Variants in CSMD1 observed in about 807,000 individuals in gnomAD.
CSMD1 encodes CUB and Sushi multiple domains 1.
Under a neutral mutation model 417.5 loss-of-function variants are expected in CSMD1, and 213 were observed. That is an observed-to-expected ratio of 0.51 (90% CI 0.46 to 0.57). CSMD1 has a LOEUF of 0.57. Ranked by LOEUF, CSMD1 falls within the 20% of genes least tolerant of loss-of-function variation. The probability of loss-of-function intolerance (pLI) is 0.00; values close to 1 mark genes in which losing one functional copy is unlikely to be tolerated. For synonymous variants in CSMD1, 2,862 were observed against 1,736.8 expected, an observed-to-expected ratio of 1.65 and a Z score of -16.11; for missense variants, 6,923 against 4,529.7, an observed-to-expected ratio of 1.53 and a Z score of -15.17.
intron 3 of CSMD1, among the ~76,000 whole-genome samples, chr8:4,374,147 G>A (rs77945305): frequency 3.9e-5 from 6 of 152,126 alleles, no homozygotes; most frequent in South Asian, 4.1e-4. Context: ...GGATAAGTAC[G>A]TCCTTACCCT....
chr8:3,622,167 T>C (rs2449228), intron 7 of CSMD1, among the ~76,000 whole-genome samples: 101,719 of 152,044 alleles, frequency 0.67, 34,463 homozygotes, highest in African/African-American at 0.74. Context: ...ATCTTGTAAA[T>C]GCATTTAGCT....
Position 4,906,649 on chromosome 8 carries a change from G to A in CSMD1, c.85+87683C>T, listed in dbSNP as rs183515201. Among the ~76,000 whole-genome samples the A allele has an allele frequency of 5.9e-5, 9 of 151,964 alleles. No homozygotes were observed. In the East Asian group the frequency reaches 1.2e-3, roughly 20 times the overall value. On this transcript the variant is annotated intron_variant, in intron 1 of 69. Transcript: ENST00000635120. ...TCTCAGCTGTGCAACCTCCAACTCC[G>A]GGGTTCAAGCAATTCTCCTGCCTCA...
At chr8:4,788,425 T>A in intron 1 of CSMD1, 1 of 1,339,416 alleles carries the variant, frequency 7.5e-7, no homozygotes, top group Non-Finnish European at 1.1e-6. Context: ...CCCAGGGTCT[T>A]GGCTGTTCAA....
intron 5 of CSMD1, among the ~76,000 whole-genome samples, chr8:3,904,839 G>A (rs558524283): frequency 6.1e-4 from 93 of 152,080 alleles, no homozygotes; most frequent in African/African-American, 2.1e-3. Flanking sequence ...GTTTTACCAT[G>A]TTGACCAGGC....
chr8:4,199,480 C>T (rs536963707), intron 3 of CSMD1, among the ~76,000 whole-genome samples: 19 of 152,142 alleles, frequency 1.2e-4, no homozygotes, highest in Non-Finnish European at 2.1e-4. Context: ...ATTAAAAAGG[C>T]AAATAGGAAT....
intron 1 of CSMD1, among the ~76,000 whole-genome samples, chr8:4,873,435 C>G (rs1422120192): frequency 1.3e-5 from 2 of 152,076 alleles, no homozygotes; most frequent in Admixed American, 6.6e-5. Context: ...GAATCTAACT[C>G]AGAGAATATT....
intron 23 of CSMD1, among the ~76,000 whole-genome samples, chr8:3,334,956 C>T (rs547743479): frequency 1.3e-5 from 2 of 152,324 alleles, no homozygotes; most frequent in East Asian, 3.9e-4. Context: ...AACGAGCCTT[C>T]TCCAAAACAC....
chr8:3,797,433 C>G (rs1467541209), intron 5 of CSMD1, among the ~76,000 whole-genome samples: 1 of 151,896 alleles, frequency 6.6e-6, no homozygotes, highest in East Asian at 1.9e-4. Context: ...CATTCAGTTT[C>G]CATCCCTTCC....
At chr8:3,035,753 G>C (rs1396672555) in intron 50 of CSMD1, among the ~76,000 whole-genome samples, 2 of 148,644 alleles carry the variant, frequency 1.3e-5, no homozygotes, top group Admixed American at 6.6e-5. Flanking sequence ...GTCAAGTTTT[G>C]TAAAATTAAA....
chr8:4,210,476 C>T (rs1204910222), intron 3 of CSMD1, among the ~76,000 whole-genome samples: 1 of 152,160 alleles, frequency 6.6e-6, no homozygotes, highest in African/African-American at 2.4e-5. Flanking sequence ...GAACTGCAAA[C>T]AGACAATAAT....
intron 25 of CSMD1, among the ~76,000 whole-genome samples, chr8:3,300,313 A>G (rs1283522374): frequency 6.6e-6 from 1 of 152,178 alleles, no homozygotes; most frequent in African/African-American, 2.4e-5. Flanking sequence ...CACCTTTTCA[A>G]GTGTAGTTTT....
At chr8:3,924,491 C>T (rs530032803) in intron 5 of CSMD1, among the ~76,000 whole-genome samples, 16 of 152,194 alleles carry the variant, frequency 1.1e-4, no homozygotes, top group African/African-American at 2.9e-4. Context: ...TTCTATGATA[C>T]ATATATTGAT....
At chr8:3,336,117 G>A (rs1807245556) in intron 23 of CSMD1, among the ~76,000 whole-genome samples, 1 of 151,980 alleles carries the variant, frequency 6.6e-6, no homozygotes, top group African/African-American at 2.4e-5. Context: ...TGGAACCATG[G>A]GCAGGTTTCT....
chr8:3,353,692 TAGC>T (rs895215424), intron 21 of CSMD1, among the ~76,000 whole-genome samples: 17 of 152,210 alleles, frequency 1.1e-4, no homozygotes, highest in Non-Finnish European at 1.6e-4. Flanking sequence ...AAATCACCAT[TAGC>T]AGAATTAAAT....
chr8:3,006,419 C>G (rs1456790013), intron 52 of CSMD1, among the ~76,000 whole-genome samples: 4 of 151,344 alleles, frequency 2.6e-5, no homozygotes, highest in African/African-American at 9.7e-5. Context: ...TTGGAAAAAA[C>G]TACTTTAAAG....
chr8:3,785,993 T>A (rs1799436698), intron 5 of CSMD1, among the ~76,000 whole-genome samples: 1 of 152,172 alleles, frequency 6.6e-6, no homozygotes, highest in Non-Finnish European at 1.5e-5. Flanking sequence ...ACCTGAGTAC[T>A]TAGGCTGGGC....
At chr8:3,137,528 G>C (rs1222073221) in intron 41 of CSMD1, among the ~76,000 whole-genome samples, 2 of 152,198 alleles carry the variant, frequency 1.3e-5, no homozygotes, top group African/African-American at 4.8e-5. Context: ...ATTGTTTTCA[G>C]TAAGGCATCC....
At chr8:3,253,484 G>C (rs546685139) in intron 26 of CSMD1, among the ~76,000 whole-genome samples, 3 of 152,288 alleles carry the variant, frequency 2.0e-5, no homozygotes, top group Admixed American at 1.3e-4. Context: ...GTGGTGTGGT[G>C]CTGAAAAGAA....
At chr8:3,211,358 T>C (rs1275830381) in intron 30 of CSMD1, among the ~76,000 whole-genome samples, 1 of 152,208 alleles carries the variant, frequency 6.6e-6, no homozygotes, top group African/African-American at 2.4e-5. Flanking sequence ...AATTCCATCT[T>C]TGTAAATGTC....
Sources: allele counts gnomAD v4.1 joint callset (sites outside exome capture counted in the v4.1 genomes callset), GRCh38; gene constraint gnomAD v4.1.1; transcripts MANE v1.5; gene names NCBI Gene and HGNC (gene_info 2026-07-23, HGNC 2026-07-21).